The following MLKL variants were observed in gnomAD, a reference collection of about 807,000 sequenced individuals.
MLKL encodes mixed lineage kinase domain-like protein.
Under a neutral mutation model 56.5 loss-of-function variants are expected in MLKL, and 55 were observed. The observed-to-expected ratio is 0.97, with a 90% CI of 0.78 to 1.22. MLKL has a LOEUF of 1.22. MLKL is among the 50% of genes most tolerant of loss of function. The pLI is 0.00. For synonymous variants in MLKL, 251 were observed against 208.3 expected, an observed-to-expected ratio of 1.20 and a Z score of -1.76; for missense variants, 694 against 573.9, an observed-to-expected ratio of 1.21 and a Z score of -2.14.
Position 74,695,623 on chromosome 16 carries a change from G to A in MLKL, c.135C>T (p.Leu45=). The A allele has an allele frequency of 1.2e-6, 2 of 1,614,190 alleles. No individual in the cohort carries two copies. Among genetic ancestry groups the A allele is most frequent in the Admixed American group, 1.7e-5 (1 of 60,022 alleles). Reference sequence around the variant, plus strand: ...GCACGCTCCTCTTTCCTTGGTCCTGGAGCATCTCCAGAGGCTTGATCAGGC... The same window carrying A: ...GCACGCTCCTCTTTCCTTGGTCCTGAAGCATCTCCAGAGGCTTGATCAGGC... The part of the protein sequence containing the change: ...VLGLIKPLEM[L]QDQGKRSVPS... Residue 45 remains leucine, a synonymous_variant, in exon 2 of 11, where the codon CTC becomes CTT. Transcript: ENST00000308807.
intron 9 of MLKL, 92 bp from the exon 10 acceptor site, chr16:74,675,192 T>C: frequency 5.1e-6 from 8 of 1,565,420 alleles, no homozygotes; most frequent in Non-Finnish European, 7.0e-6. Context: ...CTAGGGACTC[T>C]GAGTATGGAA....
intron 4 of MLKL, 100 bp downstream of exon 4, chr16:74,691,177 C>T: frequency 8.7e-7 from 1 of 1,155,298 alleles, no homozygotes; most frequent in Non-Finnish European, 1.2e-6. Context: ...CCCTTTAGGG[C>T]CCAGGCTTCC....
rs1960662481 is a variant in MLKL at position 74,691,336 on chromosome 16, T to C, written c.663A>G (p.Glu221=). ...TTATGGCCACTGGAGCTCTGTGGTA[T>C]TCTCCTTTATAAAGTGTGCTGACTT... ...ENEVSTLYKG[E]YHRAPVAIKV... The change falls in exon 4 of 11, where the codon GAA becomes GAG. Residue 221 remains glutamate (E), a synonymous_variant. Transcript: ENST00000308807. 1 of 1,613,688 alleles carries C rather than the reference T, an allele frequency of 6.2e-7. No homozygotes were observed. Among genetic ancestry groups the C allele is most frequent in the Admixed American group, 1.7e-5 (1 of 59,924 alleles).
At chr16:74,686,958 G>T in intron 4 of MLKL, among the ~76,000 whole-genome samples, 1 of 152,246 alleles carries the variant, frequency 6.6e-6, no homozygotes, top group East Asian at 1.9e-4. Flanking sequence ...CTAAATTGTT[G>T]AAAGAATTTT....
At position 74,675,013 on chromosome 16, in the gene MLKL, T is replaced by A. The variant is rs1454254344; in HGVS notation, c.1328A>T (p.Glu443Val). Residue 443 changes from glutamate (E) to valine (V), a missense_variant, in exon 10 of 11, where the codon GAG (glutamate) becomes GTG (valine). Glu to Val is a moderately radical substitution (Grantham distance 121). Transcript: ENST00000308807. ...ATGGGCCCGGCACTCATCAATGATCTCCCGCAGCTCTGAAGGGCAGTCTTC... is the reference window on the plus strand; with the variant it reads ...ATGGGCCCGGCACTCATCAATGATCACCCGCAGCTCTGAAGGGCAGTCTTC... Reference protein sequence around the residue: ...LGEDCPSELREIIDECRAHDP... With the variant: ...LGEDCPSELRVIIDECRAHDP... The A allele has an allele frequency of 6.2e-7, 1 of 1,614,008 alleles. No individual in the cohort carries two copies. The highest frequency in any genetic ancestry group is 8.5e-7 in the Non-Finnish European group (1 of 1,180,036).
chr16:74,674,090 T>G (rs560557423), intron 10 of MLKL, among the ~76,000 whole-genome samples: 9 of 151,838 alleles, frequency 5.9e-5, no homozygotes, highest in African/African-American at 1.2e-4. Flanking sequence ...CTATTGACAT[T>G]GGGGCTGCCA....
chr16:74,691,280 A>G lies in MLKL; in HGVS notation c.719T>C (p.Ile240Thr). 1.2e-6 allele frequency: 2 copies of G among 1,609,954 alleles called. No individual in the cohort carries two copies. The highest frequency in any genetic ancestry group is 1.7e-6 in the Non-Finnish European group (2 of 1,178,480). ...KVFKKLQAGS[I>T]AIVRQTFNKE... Reference sequence around the variant, plus strand: ...AGAACCACACAAAACAACTTACGCAATGCTGCCAGCCTGGAGTTTTTTGAA... The same window carrying G: ...AGAACCACACAAAACAACTTACGCAGTGCTGCCAGCCTGGAGTTTTTTGAA... Residue 240 changes from isoleucine (I) to threonine (T), a missense_variant, in exon 4 of 11, where the codon ATT becomes ACT. Coordinates refer to ENST00000308807, the MANE Select transcript of MLKL (RefSeq NM_152649.4).
intron 7 of MLKL, chr16:74,676,050 G>A (rs1185288934): frequency 8.1e-6 from 3 of 369,762 alleles, no homozygotes; most frequent in East Asian, 1.2e-4. Flanking sequence ...AGTAAGACCT[G>A]CTAAGTTGTA....
intron 7 of MLKL, chr16:74,677,526 T>TA (rs1221137167): frequency 6.6e-6 from 1 of 152,192 alleles, no homozygotes; most frequent in Non-Finnish European, 1.5e-5. Flanking sequence ...GGCTGATTTT[T>TA]AAATTTTTTG....
intron 6 of MLKL, 100 bp downstream of exon 6, chr16:74,682,551 T>A: frequency 6.7e-7 from 1 of 1,487,160 alleles, no homozygotes. Context: ...GGAGGGAGAC[T>A]GTCTGGGGCG....
At chr16:74,694,733 G>T (rs958114345) in intron 2 of MLKL, among the ~76,000 whole-genome samples, 3 of 152,144 alleles carry the variant, frequency 2.0e-5, no homozygotes, top group Non-Finnish European at 4.4e-5. Flanking sequence ...CCGTCCTCTA[G>T]CCCGTGCAAC....
chr16:74,682,597 G>C (rs1960047025), intron 6 of MLKL, 54 bp downstream of exon 6: 1 of 1,601,210 alleles, frequency 6.2e-7, no homozygotes, highest in Non-Finnish European at 8.5e-7. Flanking sequence ...GGGAGTATCA[G>C]GAGTGTGGAC....
intron 7 of MLKL, 78 bp from the exon 8 acceptor site, chr16:74,675,842 A>T: frequency 7.0e-7 from 1 of 1,423,988 alleles, no homozygotes; most frequent in Admixed American, 2.0e-5. Flanking sequence ...GTTGCTACAC[A>T]CAATTGCCAG....
chr16:74,692,945 C>G (rs1408207766), intron 2 of MLKL, among the ~76,000 whole-genome samples: 1 of 152,238 alleles, frequency 6.6e-6, no homozygotes, highest in East Asian at 1.9e-4. Context: ...GGTCAGCCAT[C>G]CCTGTCTGCC....
At position 74,674,974 on chromosome 16, in the gene MLKL, C is replaced by G. The variant is rs145199275; in HGVS notation, c.1367G>C (p.Arg456Pro). Residue 456 changes from arginine (R) to proline (P), a missense_variant, in exon 10 of 11, where the codon CGG (arginine) becomes CCG (proline). Arg to Pro is a moderately radical substitution (Grantham distance 103). Transcript: ENST00000308807. ...AAGAACCCTACCATCCACAGAGGGC[C>G]GCACAGAGGGATCATGGGCCCGGCA... ...DECRAHDPSV[R>P]PSVDEILKKL... is the part of the protein sequence containing the mutation. 6.2e-7 allele frequency: 1 copy of G among 1,614,124 alleles called. No individual in the cohort carries two copies. The highest frequency in any genetic ancestry group is 1.1e-5 in the South Asian group (1 of 91,072).
At chr16:74,677,045 T>C (rs1322998811) in intron 7 of MLKL, 1 of 152,028 alleles carries the variant, frequency 6.6e-6, no homozygotes, top group Non-Finnish European at 1.5e-5. Context: ...ATTTTTCTTA[T>C]TTATTTATTT....
At chr16:74,697,716 G>A (rs1321005321) in intron 1 of MLKL, among the ~76,000 whole-genome samples, 1 of 151,926 alleles carries the variant, frequency 6.6e-6, no homozygotes, top group African/African-American at 2.4e-5. Context: ...CTACTCAGGA[G>A]GCTGAGGCGG....
intron 2 of MLKL, among the ~76,000 whole-genome samples, chr16:74,694,910 T>A (rs907094860): frequency 2.6e-5 from 4 of 152,170 alleles, no homozygotes; most frequent in Non-Finnish European, 4.4e-5. Flanking sequence ...TCTCGCTCTG[T>A]CGCCCAGGCT....
intron 4 of MLKL, among the ~76,000 whole-genome samples, chr16:74,687,781 G>A (rs1960422012): frequency 1.3e-5 from 2 of 152,016 alleles, no homozygotes; most frequent in East Asian, 1.9e-4. Context: ...AGATTCTACT[G>A]CCTCAGCCTC....
Sources: allele counts gnomAD v4.1 joint callset (sites outside exome capture counted in the v4.1 genomes callset), GRCh38; gene constraint gnomAD v4.1.1; transcripts MANE v1.5; gene names NCBI Gene and HGNC (gene_info 2026-07-23, HGNC 2026-07-21).